The following SLC45A4 variants were observed in gnomAD, a reference collection of about 807,000 sequenced individuals.
SLC45A4 encodes the protein polyamine-transporter SLC45A4.
In SLC45A4, 32 loss-of-function variants were observed where a neutral mutation model predicts 63.7. That is an observed-to-expected ratio of 0.50 (90% confidence interval 0.38 to 0.67). The LOEUF (loss-of-function observed/expected upper bound fraction) is 0.67, where lower values mean the gene tolerates loss of function less well. SLC45A4 is among the 30% of genes least tolerant of loss of function. The pLI is 0.00. For synonymous variants in SLC45A4, 535 were observed against 510.0 expected (o/e 1.05, Z -0.66); for missense variants, 1,027 against 1,157.7 (o/e 0.89, Z 1.64).
rs1425848765 is a variant in SLC45A4, at chr8:141,228,458, G to A, written c.242-6693C>T. ...GCAGCTGCTGTCCTGTCTCAGGGCC[G>A]ACCCTGTGTCCAGCTTGTGGGCACC... is the stretch of plus-strand genomic sequence containing the variant. On this transcript the variant is annotated intron_variant, in intron 2 of 8. Coordinates refer to ENST00000517878, the MANE Select transcript of SLC45A4 (RefSeq NM_001286646.2). 4.4e-6 allele frequency: 6 copies of A among 1,376,838 alleles called. No homozygotes were observed. The African/African-American group carries it at 4.4e-5, about 10-fold the overall frequency. The allele number at this position is 1,376,838 out of a possible 1,614,324, so 85.3% of individuals were successfully genotyped here. A position where few individuals can be genotyped will look rare whatever the true frequency, so the allele number is the denominator to read the frequency against.
Position 141,216,056 on chromosome 8 carries a change from C to T in SLC45A4, c.1730-86G>A, listed in dbSNP as rs937499661. The T allele has an allele frequency of 8.9e-6, 11 of 1,230,272 alleles. No homozygotes were observed. In the South Asian group the frequency reaches 1.3e-4, roughly 15 times the overall value. The allele number at this position is 1,230,272 out of a possible 1,614,324, so 76.2% of individuals were successfully genotyped here. A position where few individuals can be genotyped will look rare whatever the true frequency, so the allele number is the denominator to read the frequency against. On this transcript the variant is annotated intron_variant, in intron 6 of 8. Transcript: ENST00000517878. ...CTCCACCATCCCTCCCCTCGCCCCC[C>T]ACATCCCCCCGACCTCCACTCCTTC...
At chr8:141,239,574 G>GCACACA (rs56366558) in intron 2 of SLC45A4, among the ~76,000 whole-genome samples, 10 of 144,388 alleles carry the variant, frequency 6.9e-5, no homozygotes, top group African/African-American at 2.4e-4. Context: ...CAGGAGCAAA[G>GCACACA]CACACACACA....
At chr8:141,217,230 T>G in intron 5 of SLC45A4, 41 bp from the exon 6 acceptor site, 1 of 1,584,768 alleles carries the variant, frequency 6.3e-7, no homozygotes, top group Non-Finnish European at 8.7e-7. Context: ...GGGCATCTGC[T>G]GGGCCCTCCA....
chr8:141,305,063 AC>A (rs1199756075), intron 1 of SLC45A4, among the ~76,000 whole-genome samples: 1 of 152,166 alleles, frequency 6.6e-6, no homozygotes, highest in Non-Finnish European at 1.5e-5. Flanking sequence ...ATTTCCACGA[AC>A]ATTAAAGAGG....
At chr8:141,255,225 G>A (rs924553835) in intron 1 of SLC45A4, among the ~76,000 whole-genome samples, 2 of 152,096 alleles carry the variant, frequency 1.3e-5, no homozygotes, top group Non-Finnish European at 2.9e-5. Flanking sequence ...CCGAGTAGCT[G>A]CGACTACAGG....
chr8:141,217,908 C>T (rs368923468), intron 5 of SLC45A4, 103 bp downstream of exon 5: 73 of 1,367,804 alleles, frequency 5.3e-5, no homozygotes, highest in African/African-American at 4.1e-4. Context: ...CTCCCTGACA[C>T]GCGTGGGCAC....
At chr8:141,220,092 A>ACG (rs1569558092) in intron 3 of SLC45A4, among the ~76,000 whole-genome samples, 22 of 152,292 alleles carry the variant, frequency 1.4e-4, no homozygotes, top group Middle Eastern at 3.4e-3. Context: ...CGCGCCCTTG[A>ACG]TGTTTTTCAA....
At chr8:141,285,640 G>A (rs971474995) in intron 1 of SLC45A4, among the ~76,000 whole-genome samples, 3 of 152,272 alleles carry the variant, frequency 2.0e-5, no homozygotes, top group Admixed American at 6.5e-5. Flanking sequence ...AAAGAGACGC[G>A]CACCCCAAGT....
intron 1 of SLC45A4, among the ~76,000 whole-genome samples, chr8:141,273,992 G>A (rs1474380269): frequency 6.6e-6 from 1 of 152,148 alleles, no homozygotes; most frequent in East Asian, 1.9e-4. Context: ...CACTTTGGGA[G>A]GCCGAGGCGG....
chr8:141,262,660 A>G (rs1026316209), intron 1 of SLC45A4, among the ~76,000 whole-genome samples: 4 of 152,176 alleles, frequency 2.6e-5, no homozygotes, highest in African/African-American at 7.2e-5. Context: ...CAAAACCACA[A>G]TGAGATACCA....
At chr8:141,219,521 C>A (rs1826446604) in intron 4 of SLC45A4, 129 bp downstream of exon 4, 6 of 1,191,940 alleles carry the variant, frequency 5.0e-6, no homozygotes, top group Middle Eastern at 2.5e-4. Context: ...CCCTAAGACC[C>A]TGCCCACTGC....
intron 1 of SLC45A4, among the ~76,000 whole-genome samples, chr8:141,269,832 A>G (rs1188520028): frequency 6.6e-6 from 1 of 152,128 alleles, no homozygotes; most frequent in Non-Finnish European, 1.5e-5. Flanking sequence ...CTAAGTTTGA[A>G]GAAACTGAAT....
chr8:141,299,653 C>T (rs1035114448), intron 1 of SLC45A4, among the ~76,000 whole-genome samples: 8 of 152,058 alleles, frequency 5.3e-5, no homozygotes, highest in Non-Finnish European at 1.0e-4. Context: ...GTAAGCAACA[C>T]GAAAAAAACC....
intron 1 of SLC45A4, among the ~76,000 whole-genome samples, chr8:141,276,033 C>G (rs114775721): frequency 6.6e-6 from 1 of 151,820 alleles, no homozygotes; most frequent in Non-Finnish European, 1.5e-5. Flanking sequence ...CCACCTCAGT[C>G]TCCCAAGAAG....
intron 1 of SLC45A4, among the ~76,000 whole-genome samples, chr8:141,301,734 CAAAAAAAA>C (rs564016568): frequency 1.7e-3 from 68 of 39,580 alleles, no homozygotes; most frequent in African/African-American, 4.7e-3. Flanking sequence ...GACCCTATCT[CAAAAAAAA>C]AAAAAAAAAA....
At chr8:141,253,036 T>C (rs867701427) in intron 2 of SLC45A4, 1 of 129,102 alleles carries the variant, frequency 7.7e-6, no homozygotes, top group Non-Finnish European at 1.7e-5. Flanking sequence ...CACACCCACC[T>C]GTGTCTGTGA....
At chr8:141,253,619 G>A (rs1482787942) in intron 2 of SLC45A4, among the ~76,000 whole-genome samples, 1 of 151,274 alleles carries the variant, frequency 6.6e-6, no homozygotes, top group Non-Finnish European at 1.5e-5. Context: ...GACACAGCCA[G>A]TGACTGTCAG....
Position 141,281,902 on chromosome 8 carries a change from G to GC in SLC45A4, c.-401+26193dup, listed in dbSNP as rs1460139649. On this transcript the variant is annotated intron_variant, in intron 1 of 8. Transcript: ENST00000517878. ...TTATCAGAAAGCCAGTGAAAGCCTG[G>GC]CCCCCGTCCGGAGCTGCACGGCACC... 2.6e-5 allele frequency among the ~76,000 whole-genome samples: 4 copies of GC among 152,284 alleles called. No homozygotes were observed. In the East Asian group the frequency reaches 5.8e-4, roughly 22 times the overall value.
In SLC45A4 at chr8:141,218,116, C is replaced by T. The variant is rs1826290811; in HGVS notation, c.1524G>A (p.Leu508=). 6.2e-7 allele frequency: 1 copy of T among 1,612,282 alleles called. No homozygotes were observed. Among genetic ancestry groups the T allele is most frequent in the African/African-American group, 1.3e-5 (1 of 75,040 alleles). ...WLSMLKMPRE[L]MRLCLCHLLT... is the part of the protein sequence containing the mutation. The stretch of plus-strand genomic sequence containing the variant: ...GGAGGTGGCAGAGGCACAGCCGCAT[C>T]AGCTCCCTGGGCATCTTCAGCATGG... Residue 508 remains leucine (L), a synonymous_variant, in exon 5 of 9, where the codon CTG becomes CTA. Transcript: ENST00000517878.
Sources: allele counts gnomAD v4.1 joint callset (sites outside exome capture counted in the v4.1 genomes callset), GRCh38; gene constraint gnomAD v4.1.1; transcripts MANE v1.5; gene names NCBI Gene and HGNC (gene_info 2026-07-23, HGNC 2026-07-21).